Variants in ADAM32 observed in about 807,000 individuals in gnomAD.
ADAM32 encodes the protein disintegrin and metalloproteinase domain-containing protein 32.
A neutral mutation model predicts 114.9 loss-of-function variants in ADAM32; 89 were observed. The observed-to-expected ratio is 0.77, with a 90% CI of 0.65 to 0.92. The LOEUF (loss-of-function observed/expected upper bound fraction) is 0.92. Ranked by LOEUF, ADAM32 falls within the 40% of genes least tolerant of loss-of-function variation. The pLI is 0.00. For missense variants in ADAM32, 870 were observed against 932.8 expected (o/e 0.93, Z 0.88); for synonymous variants, 285 against 307.5 (o/e 0.93, Z 0.77).
chr8:39,268,849 G>A (rs1446804372), intron 19 of ADAM32, among the ~76,000 whole-genome samples: 1 of 152,056 alleles, frequency 6.6e-6, no homozygotes, highest in Non-Finnish European at 1.5e-5. Context: ...TGTTAAGTAG[G>A]ATCAGAATAG....
rs151063273 is a variant in ADAM32 at position 39,150,732 on chromosome 8, A to G, written c.354-645A>G. ...GAAATTTATATTTTAGGGAGTAGTG[A>G]CTTGGGCTGCCACCTGTATTCACAG... On this transcript the variant is annotated intron_variant, in intron 5 of 24. Transcript: ENST00000379907. Among the ~76,000 whole-genome samples, 320 of 152,270 alleles carry G rather than the reference A, an allele frequency of 2.1e-3. 2 individuals are homozygous for G. The highest frequency in any genetic ancestry group is 6.8e-3 in the Middle Eastern group (2 of 294).
intron 23 of ADAM32, 29 bp downstream of exon 23, chr8:39,281,203 A>T: frequency 7.9e-7 from 1 of 1,273,618 alleles, no homozygotes; most frequent in Non-Finnish European, 1.0e-6. Context: ...GTTACTTATA[A>T]ATAAGTATGT....
At chr8:39,119,418 G>A (rs1840505142) in intron 2 of ADAM32, among the ~76,000 whole-genome samples, 1 of 152,186 alleles carries the variant, frequency 6.6e-6, no homozygotes. Context: ...TAGTGGGAGT[G>A]TAGTGGTATG....
intron 1 of ADAM32, among the ~76,000 whole-genome samples, chr8:39,109,434 C>A (rs1840062200): frequency 6.6e-6 from 1 of 152,028 alleles, no homozygotes; most frequent in Non-Finnish European, 1.5e-5. Flanking sequence ...GTAATCCCAG[C>A]TACTCGGGAA....
At chr8:39,243,643 G>A (rs1810706736) in intron 16 of ADAM32, among the ~76,000 whole-genome samples, 1 of 152,096 alleles carries the variant, frequency 6.6e-6, no homozygotes, top group African/African-American at 2.4e-5. Flanking sequence ...GGTAATAAAG[G>A]CTGTATATGC....
Position 39,280,401 on chromosome 8 carries a change from T to A in ADAM32, c.2280-735T>A, listed in dbSNP as rs781111273. Among the ~76,000 whole-genome samples the A allele has an allele frequency of 3.7e-4, 57 of 152,348 alleles. No homozygotes were observed. In the Middle Eastern group the frequency reaches 0.014, roughly 36 times the overall value. ...TAGAAAGGATAAGTTTTACTATTTG[T>A]CCAGTCTGCCAAACTGGTCAGAAGT... is the stretch of plus-strand genomic sequence containing the variant. On this transcript the variant is annotated intron_variant, in intron 22 of 24. Transcript: ENST00000379907.
At chr8:39,263,940 A>G (rs1213688883) in intron 19 of ADAM32, among the ~76,000 whole-genome samples, 1 of 152,150 alleles carries the variant, frequency 6.6e-6, no homozygotes, top group Non-Finnish European at 1.5e-5. Context: ...ACATATTTTC[A>G]GTGTATAATT....
At chr8:39,196,762 G>A (rs1260336775) in intron 11 of ADAM32, among the ~76,000 whole-genome samples, 1 of 151,840 alleles carries the variant, frequency 6.6e-6, no homozygotes, top group African/African-American at 2.4e-5. Context: ...GAATTTTTGT[G>A]TCTATGTTCA....
At chr8:39,152,777 C>G (rs1217914298) in intron 6 of ADAM32, among the ~76,000 whole-genome samples, 2 of 151,574 alleles carry the variant, frequency 1.3e-5, no homozygotes, top group Non-Finnish European at 2.9e-5. Context: ...AACACCAAAC[C>G]TCAGAATTTA....
In ADAM32 at chr8:39,197,839, A is replaced by G. The variant is rs567790831; in HGVS notation, c.1052+10794A>G. Among the ~76,000 whole-genome samples the G allele has an allele frequency of 1.3e-3, 204 of 152,312 alleles. 3 individuals are homozygous for G. The South Asian group carries it at 0.027, about 20-fold the overall frequency. On this transcript the variant is annotated intron_variant, in intron 11 of 24. Coordinates refer to ENST00000379907, the MANE Select transcript of ADAM32 (RefSeq NM_145004.7). ...TATATCTGTTAGGTTTATTTGCTTG[A>G]TAGTGCTGCAGATTAAATCTGATGT... is the stretch of plus-strand genomic sequence containing the variant.
At chr8:39,267,833 T>C (rs1812462593) in intron 19 of ADAM32, among the ~76,000 whole-genome samples, 1 of 152,144 alleles carries the variant, frequency 6.6e-6, no homozygotes, top group Non-Finnish European at 1.5e-5. Flanking sequence ...GGTGGGAAGA[T>C]CAGTTTCGGC....
intron 19 of ADAM32, among the ~76,000 whole-genome samples, chr8:39,264,124 A>G (rs1430447654): frequency 6.6e-6 from 1 of 151,942 alleles, no homozygotes; most frequent in African/African-American, 2.4e-5. Flanking sequence ...TTCTTTTTCA[A>G]ATTTTAATTT....
At chr8:39,172,760 G>C (rs542367315) in intron 10 of ADAM32, among the ~76,000 whole-genome samples, 1 of 152,270 alleles carries the variant, frequency 6.6e-6, no homozygotes, top group East Asian at 1.9e-4. Context: ...CATTTGGGTT[G>C]ATTCCATGTC....
At chr8:39,274,174 C>T in intron 20 of ADAM32, 138 bp from the exon 21 acceptor site, 1 of 814,770 alleles carries the variant, frequency 1.2e-6, no homozygotes, top group Non-Finnish European at 2.0e-6. Flanking sequence ...GTTCAGTGAC[C>T]TTTGGACATC....
intron 19 of ADAM32, among the ~76,000 whole-genome samples, chr8:39,262,327 T>G (rs1812088036): frequency 6.6e-6 from 1 of 152,206 alleles, no homozygotes; most frequent in Non-Finnish European, 1.5e-5. Context: ...ATGAATATTC[T>G]TGGCACCTTG....
chr8:39,275,971 C>A, intron 22 of ADAM32, 105 bp downstream of exon 22: 3 of 1,084,532 alleles, frequency 2.8e-6, no homozygotes, highest in South Asian at 1.7e-5. Flanking sequence ...AACTGAGTAG[C>A]CACAATTAGT....
At chr8:39,277,863 CTTAAGTA>C (rs1399830241) in intron 22 of ADAM32, among the ~76,000 whole-genome samples, 1 of 152,216 alleles carries the variant, frequency 6.6e-6, no homozygotes, top group Non-Finnish European at 1.5e-5. Context: ...GCTTGGACAG[CTTAAGTA>C]TTAACAGCTC....
At chr8:39,141,087 CTTT>C (rs1258977154) in intron 3 of ADAM32, among the ~76,000 whole-genome samples, 2 of 151,944 alleles carry the variant, frequency 1.3e-5, no homozygotes, top group African/African-American at 4.8e-5. Context: ...CTCTTTTCTT[CTTT>C]ATTAGTCTTG....
At chr8:39,142,791 A>G (rs1803247064) in intron 3 of ADAM32, among the ~76,000 whole-genome samples, 1 of 152,190 alleles carries the variant, frequency 6.6e-6, no homozygotes, top group Non-Finnish European at 1.5e-5. Context: ...AATATCCTGA[A>G]GAGTGTATTC....
Sources: gnomAD v4.1 joint callset for allele counts (sites outside exome capture counted in the v4.1 genomes callset) on GRCh38, gnomAD v4.1.1 for gene constraint, MANE v1.5 for transcripts, NCBI Gene and HGNC (gene_info 2026-07-23, HGNC 2026-07-21) for gene names.